The following PANK3 variants were observed in gnomAD, a reference collection of about 807,000 sequenced individuals.
PANK3 encodes pantothenate kinase 3.
PANK3 carries 20 observed loss-of-function variants against 39.4 expected under a neutral mutation model. The observed-to-expected ratio is 0.51, with a 90% CI of 0.36 to 0.74. PANK3 has a LOEUF of 0.74. Ranked by LOEUF, PANK3 falls within the 30% of genes least tolerant of loss-of-function variation. The pLI is 0.00. For synonymous variants in PANK3, 140 were observed against 157.3 expected, an observed-to-expected ratio of 0.89 and a Z score of 0.82; for missense variants, 265 against 437.0, an observed-to-expected ratio of 0.61 and a Z score of 3.51.
At chr5:168,578,586 T>C (rs934736972) in intron 1 of PANK3, 4 of 152,206 alleles carry the variant, frequency 2.6e-5, no homozygotes, top group African/African-American at 7.2e-5. Context: ...TCTAAAAGCA[T>C]AGTCAGAATT....
intron 6 of PANK3, 105 bp from the exon 7 acceptor site, chr5:168,557,726 T>C (rs1759371973): frequency 1.1e-6 from 1 of 937,706 alleles, no homozygotes; most frequent in South Asian, 2.0e-5. Flanking sequence ...TGTTTAATAA[T>C]ATTTGGAAAC....
At position 168,559,092 on chromosome 5, in the gene PANK3, C is replaced by G. The variant is rs1265532262; in HGVS notation, c.1002G>C (p.Leu334Phe). Residue 334 changes from leucine (L) to phenylalanine (F), a missense_variant, in exon 6 of 7, where the codon TTG becomes TTC. Transcript: ENST00000239231. ...LRVNTLSMKL[L>F]AYALDYWSKG... ...TTGACCAGTAATCCAGTGCATATGC[C>G]AAAAGTTTCATTGAGAGGGTATTGA... is the stretch of plus-strand genomic sequence containing the variant. The G allele has an allele frequency of 6.2e-7, 1 of 1,608,272 alleles. No individual in the cohort carries two copies. Among genetic ancestry groups the G allele is most frequent in the Non-Finnish European group, 8.5e-7 (1 of 1,175,928 alleles).
At chr5:168,567,390 T>C (rs1174731337) in intron 2 of PANK3, among the ~76,000 whole-genome samples, 1 of 152,210 alleles carries the variant, frequency 6.6e-6, no homozygotes, top group Non-Finnish European at 1.5e-5. Context: ...CTTTATATTA[T>C]AGTTTGAGTA....
chr5:168,561,890 C>T (rs1759454756), intron 4 of PANK3, among the ~76,000 whole-genome samples: 2 of 152,254 alleles, frequency 1.3e-5, no homozygotes, highest in Non-Finnish European at 2.9e-5. Flanking sequence ...TTATGACATA[C>T]CAAGCTTTGT....
At chr5:168,563,856 C>T (rs376737778) in intron 4 of PANK3, 33 bp downstream of exon 4, 41 of 1,538,386 alleles carry the variant, frequency 2.7e-5, no homozygotes, top group Middle Eastern at 1.7e-4. Flanking sequence ...TACTTAACTT[C>T]TGTAACTTAA....
intron 4 of PANK3, among the ~76,000 whole-genome samples, chr5:168,563,452 C>G (rs1011810803): frequency 3.9e-5 from 6 of 152,120 alleles, no homozygotes; most frequent in African/African-American, 1.4e-4. Context: ...AACAGTACCG[C>G]TCTTTTGCAT....
intron 1 of PANK3, among the ~76,000 whole-genome samples, chr5:168,573,863 C>T (rs1759688293): frequency 6.6e-6 from 1 of 152,218 alleles, no homozygotes; most frequent in Middle Eastern, 3.4e-3. Flanking sequence ...TTTTTTATGG[C>T]TGCATAGTAT....
intron 5 of PANK3, 49 bp from the exon 6 acceptor site, chr5:168,559,206 AAT>A: frequency 8.2e-7 from 1 of 1,225,002 alleles, no homozygotes; most frequent in Admixed American, 2.7e-5. Flanking sequence ...TAGATTTTAC[AAT>A]ATAAAAGGTT....
In PANK3 at chr5:168,554,052, T is replaced by C. The variant is rs1301043048; in HGVS notation, c.*3519A>G. 4 of 152,206 alleles carry C rather than the reference T, an allele frequency of 2.6e-5. No homozygotes were observed. The highest frequency in any genetic ancestry group is 5.9e-5 in the Non-Finnish European group (4 of 68,048). The allele number at this position is 152,206 out of a possible 1,614,324, so 9.4% of individuals were successfully genotyped here. ...TGCAGAATTACTAAAAGGATCAGTG[T>C]TTAGTAAACAAAAGCATAATAGTTC... On this transcript the variant is annotated 3_prime_UTR_variant, in exon 7 of 7. Transcript: ENST00000239231.
Position 168,568,630 on chromosome 5 carries a change from A to G in PANK3, c.381+16T>C. ...AAACAGGTATCAATTTTCAGTTTTGAGTAAAAGATACCTACTGTGCGAAAA... is the reference window on the plus strand; with the variant it reads ...AAACAGGTATCAATTTTCAGTTTTGGGTAAAAGATACCTACTGTGCGAAAA... On this transcript the variant is annotated intron_variant, in intron 2 of 6. Transcript: ENST00000239231. The G allele has an allele frequency of 1.3e-6, 2 of 1,544,172 alleles. No individual in the cohort carries two copies. Among genetic ancestry groups the G allele is most frequent in the Non-Finnish European group, 1.8e-6 (2 of 1,131,450 alleles).
At chr5:168,562,206 CCAAA>C (rs1322054310) in intron 4 of PANK3, among the ~76,000 whole-genome samples, 1 of 151,994 alleles carries the variant, frequency 6.6e-6, no homozygotes, top group African/African-American at 2.4e-5. Flanking sequence ...GGGAAAAAAT[CCAAA>C]CAAAGGCTAA....
At position 168,551,328 on chromosome 5, in the gene PANK3, A is replaced by G. The variant is rs1188890098; in HGVS notation, c.*6243T>C. Reference sequence around the variant, plus strand: ...AAGTGAGGTCAGAGAGTATTATCACAAAAAGATAATATATTTCTAATGTTT... The same window carrying G: ...AAGTGAGGTCAGAGAGTATTATCACGAAAAGATAATATATTTCTAATGTTT... On this transcript the variant is annotated 3_prime_UTR_variant, in exon 7 of 7. Coordinates refer to ENST00000239231, the MANE Select transcript of PANK3 (RefSeq NM_024594.4). 2.0e-5 allele frequency: 3 copies of G among 152,180 alleles called. No individual in the cohort carries two copies. Among genetic ancestry groups the G allele is most frequent in the Non-Finnish European group, 4.4e-5 (3 of 68,024 alleles). 9.4% of individuals were successfully genotyped at this position (152,180 alleles called of 1,614,324 possible).
rs529581936 is a variant in PANK3 at position 168,555,551 on chromosome 5, T to C, written c.*2020A>G. ...AGCCACTGCGCCTGGCCAAGATTCATTTTAATTGTGTATTTTTCTTTAACC... is the reference window on the plus strand; with the variant it reads ...AGCCACTGCGCCTGGCCAAGATTCACTTTAATTGTGTATTTTTCTTTAACC... On this transcript the variant is annotated 3_prime_UTR_variant, in exon 7 of 7. Coordinates refer to ENST00000239231, the MANE Select transcript of PANK3 (RefSeq NM_024594.4). The C allele has an allele frequency of 1.3e-5, 2 of 152,362 alleles. No homozygotes were observed. The highest frequency in any genetic ancestry group is 2.4e-5 in the African/African-American group (1 of 41,588). 9.4% of individuals were successfully genotyped at this position (152,362 alleles called of 1,614,324 possible). A position where few individuals can be genotyped will look rare whatever the true frequency, so the allele number is the denominator to read the frequency against.
At position 168,579,339 on chromosome 5, in the gene PANK3, G is replaced by C. The variant is rs937072443; in HGVS notation, c.-56C>G. The C allele has an allele frequency of 2.9e-6, 4 of 1,397,662 alleles. No homozygotes were observed. Among genetic ancestry groups the C allele is most frequent in the Non-Finnish European group, 3.8e-6 (4 of 1,065,456 alleles). The allele number at this position is 1,397,662 out of a possible 1,614,324, so 86.6% of individuals were successfully genotyped here. A position where few individuals can be genotyped will look rare whatever the true frequency, so the allele number is the denominator to read the frequency against. On this transcript the variant is annotated 5_prime_UTR_variant, in exon 1 of 7. Coordinates refer to ENST00000239231, the MANE Select transcript of PANK3 (RefSeq NM_024594.4). ...CCGATCCGGGGCACTGAGAGCAGAG[G>C]CGGCGACTCCGGAGGTGGCTGGGCC...
intron 1 of PANK3, among the ~76,000 whole-genome samples, chr5:168,576,246 T>A (rs1318069656): frequency 6.6e-6 from 1 of 152,232 alleles, no homozygotes; most frequent in Non-Finnish European, 1.5e-5. Context: ...AAATATATGC[T>A]ATACCATTTT....
rs557020353 is a variant in PANK3, at chr5:168,554,450, G to A, written c.*3121C>T. 1.3e-5 allele frequency: 2 copies of A among 152,128 alleles called. No individual in the cohort carries two copies. Among genetic ancestry groups the A allele is most frequent in the Non-Finnish European group, 2.9e-5 (2 of 68,020 alleles). 9.4% of individuals were successfully genotyped at this position (152,128 alleles called of 1,614,324 possible). On this transcript the variant is annotated 3_prime_UTR_variant, in exon 7 of 7. Coordinates refer to ENST00000239231, the MANE Select transcript of PANK3 (RefSeq NM_024594.4). ...TGTAGTTTTCAAATTTTATACTCAA[G>A]TCCTTATATTCGATTACAGGCATGA...
rs1197922424 is a variant in PANK3, at chr5:168,553,326, G to T, written c.*4245C>A. 1 of 523,980 alleles carries T rather than the reference G, an allele frequency of 1.9e-6. No homozygotes were observed. Among genetic ancestry groups the T allele is most frequent in the Admixed American group, 2.1e-5 (1 of 47,616 alleles). 32.5% of individuals were successfully genotyped at this position (523,980 alleles called of 1,614,324 possible). On this transcript the variant is annotated 3_prime_UTR_variant, in exon 7 of 7. Coordinates refer to ENST00000239231, the MANE Select transcript of PANK3 (RefSeq NM_024594.4). ...TGGGCACAAAACTTGTGCAGAGTCC[G>T]CATTACAAGCCAGTAATCTAGTGGC...
rs541368437 is a variant in PANK3, at chr5:168,553,458, T to C, written c.*4113A>G. ...CATTGAACTGCACCTGCCAAAGTGG[T>C]TGACAAAGAGTGCAACAGAAAGGAG... On this transcript the variant is annotated 3_prime_UTR_variant, in exon 7 of 7. Transcript: ENST00000239231. 6 of 393,570 alleles carry C rather than the reference T, an allele frequency of 1.5e-5. No individual in the cohort carries two copies. Among genetic ancestry groups the C allele is most frequent in the Non-Finnish European group, 2.6e-5 (5 of 194,236 alleles). 24.4% of individuals were successfully genotyped at this position (393,570 alleles called of 1,614,324 possible).
intron 1 of PANK3, among the ~76,000 whole-genome samples, chr5:168,574,359 G>T (rs1759698125): frequency 6.6e-6 from 1 of 151,862 alleles, no homozygotes; most frequent in South Asian, 2.1e-4. Flanking sequence ...ACTTTTTGAT[G>T]GGGTTGTTTG....
Sources: allele counts gnomAD v4.1 joint callset (sites outside exome capture counted in the v4.1 genomes callset), GRCh38; gene constraint gnomAD v4.1.1; transcripts MANE v1.5; gene names NCBI Gene and HGNC (gene_info 2026-07-23, HGNC 2026-07-21).